SPTAN1: variants seen among roughly 807,000 people sequenced by gnomAD.
SPTAN1 encodes spectrin alpha, non-erythrocytic 1.
Under a neutral mutation model 331.3 loss-of-function variants are expected in SPTAN1, and 61 were observed. The observed-to-expected ratio is 0.18, with a 90% CI of 0.15 to 0.23. The LOEUF (loss-of-function observed/expected upper bound fraction) is 0.23. Among genes scored for constraint, SPTAN1 ranks in the 10% least tolerant of loss-of-function variants. The pLI is 1.00. For synonymous variants in SPTAN1, 1,153 were observed against 1,173.9 expected, an observed-to-expected ratio of 0.98 and a Z score of 0.36; for missense variants, 2,043 against 3,147.9, an observed-to-expected ratio of 0.65 and a Z score of 8.40.
At chr9:128,623,396 AG>A (rs1197294714) in intron 45 of SPTAN1, among the ~76,000 whole-genome samples, 2 of 151,682 alleles carry the variant, frequency 1.3e-5, no homozygotes, top group Non-Finnish European at 2.9e-5. Flanking sequence ...GATATGATTC[AG>A]TTTTTTTCTA....
rs895893321 is a variant in SPTAN1, at chr9:128,627,001, C to T, written c.6576+314C>T. On this transcript the variant is annotated intron_variant, in intron 49 of 56. Coordinates refer to ENST00000372739, the MANE Select transcript of SPTAN1 (RefSeq NM_001130438.3). The surrounding 1 kb of genome is among the most constrained non-coding windows in gnomAD (Gnocchi z 4.9). Reference sequence around the variant, plus strand: ...GGCTAATTATTTTAATTTTTGTAGACAGGGTGTTGCTATGTTGCCCAGGCT... The same window carrying T: ...GGCTAATTATTTTAATTTTTGTAGATAGGGTGTTGCTATGTTGCCCAGGCT... The T allele has an allele frequency of 1.8e-6, 1 of 557,954 alleles. No homozygotes were observed. Among genetic ancestry groups the T allele is most frequent in the Non-Finnish European group, 3.4e-6 (1 of 294,858 alleles). The allele number at this position is 557,954 out of a possible 1,614,324, so 34.6% of individuals were successfully genotyped here.
At chr9:128,576,118 G>A (rs1403540406) in intron 5 of SPTAN1, among the ~76,000 whole-genome samples, 5 of 152,280 alleles carry the variant, frequency 3.3e-5, no homozygotes, top group Non-Finnish European at 5.9e-5. Flanking sequence ...TTGAGCTTGA[G>A]AAAAGTAGTC....
At chr9:128,584,138 A>C in intron 16 of SPTAN1, 144 bp from the exon 17 acceptor site, 2 of 1,460,504 alleles carry the variant, frequency 1.4e-6, no homozygotes, top group South Asian at 1.2e-5. Context: ...ATCATCCCTT[A>C]GAGCTTTCTA....
intron 3 of SPTAN1, among the ~76,000 whole-genome samples, chr9:128,571,561 G>A (rs1431977273): frequency 6.6e-6 from 1 of 152,012 alleles, no homozygotes; most frequent in African/African-American, 2.4e-5. Context: ...CTCTGGCTTG[G>A]GCAACAAGAG....
Position 128,632,642 on chromosome 9 carries a change from T to C in SPTAN1, c.7084T>C (p.Tyr2362His), listed in dbSNP as rs957046231. 1.5e-5 allele frequency: 24 copies of C among 1,614,056 alleles called. No individual in the cohort carries two copies. The highest frequency in any genetic ancestry group is 2.0e-5 in the Non-Finnish European group (24 of 1,180,018). Reference sequence around the variant, plus strand: ...CAAATCTTGCCTGCGCTCCCTGGGCTATGACCTGCCCATGGTGGAGGAAGG... The same window carrying C: ...CAAATCTTGCCTGCGCTCCCTGGGCCATGACCTGCCCATGGTGGAGGAAGG... The part of the protein sequence containing the change: ...EFKSCLRSLG[Y>H]DLPMVEEGEP... Residue 2362 changes from tyrosine (Y) to histidine (H), a missense_variant, in exon 55 of 57, where the codon TAT becomes CAT. Around this residue, in one of 12 missense-constraint regions of SPTAN1, gnomAD observed 58 missense variants for 74.0 expected, o/e 0.78. Coordinates refer to ENST00000372739, the MANE Select transcript of SPTAN1 (RefSeq NM_001130438.3).
intron 37 of SPTAN1, among the ~76,000 whole-genome samples, chr9:128,610,096 C>T (rs1856404092): frequency 6.6e-6 from 1 of 152,200 alleles, no homozygotes; most frequent in Admixed American, 6.5e-5. Context: ...AATGCATACC[C>T]ACTCTGGCAT....
intron 27 of SPTAN1, among the ~76,000 whole-genome samples, chr9:128,603,189 T>G (rs918130028): frequency 2.0e-5 from 3 of 150,084 alleles, no homozygotes; most frequent in Non-Finnish European, 4.4e-5. Flanking sequence ...AATTTAGGGT[T>G]TTTTTTTTTC....
chr9:128,612,311 A>T, intron 39 of SPTAN1, 65 bp downstream of exon 39: 2 of 1,606,484 alleles, frequency 1.2e-6, no homozygotes, highest in Non-Finnish European at 1.7e-6. Flanking sequence ...CAGTGGGTCC[A>T]TCAGTGCCCA....
At chr9:128,594,804 C>CTTTTTTTTTTTTTTTTTTTTATT (rs10594067) in intron 24 of SPTAN1, among the ~76,000 whole-genome samples, 24 of 90,552 alleles carry the variant, frequency 2.7e-4, no homozygotes, top group Non-Finnish European at 4.2e-4. Context: ...ATGTATGTAG[C>CTTTTTTTTTTTTTTTTTTTTATT]TTTTTTTTTT....
chr9:128,588,717 G>A, intron 20 of SPTAN1, 92 bp from the exon 21 acceptor site: 1 of 1,545,652 alleles, frequency 6.5e-7, no homozygotes, highest in Admixed American at 1.7e-5. Flanking sequence ...TGGTACATTT[G>A]GTACAGCTGG....
At chr9:128,593,873 C>T (rs1199368721) in intron 23 of SPTAN1, 6 of 407,212 alleles carry the variant, frequency 1.5e-5, no homozygotes, top group East Asian at 5.6e-5. Flanking sequence ...CTGTGCTAAG[C>T]GCTTGGTTTC....
At chr9:128,620,742 C>T (rs1857743124) in intron 44 of SPTAN1, among the ~76,000 whole-genome samples, 1 of 151,948 alleles carries the variant, frequency 6.6e-6, no homozygotes. Context: ...AAAGACATGA[C>T]TTGGAAGGCC....
chr9:128,608,795 AT>A, intron 34 of SPTAN1, 78 bp from the exon 35 acceptor site: 1 of 1,373,768 alleles, frequency 7.3e-7, no homozygotes. Context: ...CAAAATAACT[AT>A]CCTTTTCTCA....
chr9:128,563,038 T>C (rs910133529), intron 1 of SPTAN1, among the ~76,000 whole-genome samples: 1 of 144,160 alleles, frequency 6.9e-6, no homozygotes, highest in Non-Finnish European at 1.5e-5. Flanking sequence ...GTATATATTT[T>C]ATTACAAAAA....
chr9:128,611,563 T>C (rs1402663939), intron 37 of SPTAN1, 151 bp from the exon 38 acceptor site: 3 of 865,380 alleles, frequency 3.5e-6, no homozygotes, highest in Admixed American at 2.1e-5. Flanking sequence ...AAATATTTCA[T>C]ACAAACTCCA....
Position 128,621,172 on chromosome 9 carries a change from A to G in SPTAN1, c.5748A>G (p.Lys1916=). 5 of 1,614,178 alleles carry G rather than the reference A, an allele frequency of 3.1e-6. No homozygotes were observed. Among genetic ancestry groups the G allele is most frequent in the Non-Finnish European group, 4.2e-6 (5 of 1,180,040 alleles). Residue 1916 remains lysine (K), a synonymous_variant, in exon 45 of 57, where the codon AAA becomes AAG. Coordinates refer to ENST00000372739, the MANE Select transcript of SPTAN1 (RefSeq NM_001130438.3). The part of the protein sequence containing the change: ...TLAAIQGLLK[K]HEAFETDFTV... ...TTCTACTCCAGGGCTTACTGAAGAA[A>G]CATGAAGCTTTTGAGACAGACTTCA...
chr9:128,576,121 A>G (rs1851279930), intron 5 of SPTAN1, among the ~76,000 whole-genome samples: 1 of 152,188 alleles, frequency 6.6e-6, no homozygotes, highest in South Asian at 2.1e-4. Context: ...AGCTTGAGAA[A>G]AGTAGTCAGG....
chr9:128,583,652 C>T, intron 15 of SPTAN1, 136 bp from the exon 16 acceptor site: 1 of 957,876 alleles, frequency 1.0e-6, no homozygotes, highest in Non-Finnish European at 1.6e-6. Flanking sequence ...TTGATATTTT[C>T]TTTCTCTTTG....
chr9:128,595,816 G>C (rs1462631805), intron 24 of SPTAN1: 1 of 152,012 alleles, frequency 6.6e-6, no homozygotes, highest in African/African-American at 2.4e-5. Flanking sequence ...CACTTTTTGT[G>C]ACTGGCTTCT....
Sources: gnomAD v4.1 joint callset for allele counts (sites outside exome capture counted in the v4.1 genomes callset) on GRCh38, gnomAD v4.1.1 for gene constraint, gnomAD v4.1.1 regional missense constraint, Gnocchi (gnomAD v3.1) non-coding constraint, MANE v1.5 for transcripts, NCBI Gene and HGNC (gene_info 2026-07-23, HGNC 2026-07-21) for gene names.